PTPRT: variants seen among roughly 807,000 people sequenced by gnomAD.
PTPRT encodes receptor-type tyrosine-protein phosphatase T.
A neutral mutation model predicts 176.8 loss-of-function variants in PTPRT; 56 were observed. The observed-to-expected ratio is 0.32, with a 90% CI of 0.26 to 0.40. PTPRT has a LOEUF of 0.40. Ranked by LOEUF, PTPRT falls within the 10% of genes least tolerant of loss-of-function variation. The pLI is 1.00. For synonymous variants in PTPRT, 783 were observed against 739.0 expected (o/e 1.06, Z -0.96); for missense variants, 1,540 against 1,908.2 (o/e 0.81, Z 3.60).
In PTPRT at chr20:42,815,088, TCA is replaced by T. The variant is rs143905035; in HGVS notation, c.215-23624_215-23623del. On this transcript the variant is annotated intron_variant, in intron 2 of 30. Transcript: ENST00000373187. Reference sequence around the variant, plus strand: ...CTCTGAAAGGTATACTTTCTCCATCTCACACAAGGAATATTTATTAAAGTTTA... The same window carrying T: ...CTCTGAAAGGTATACTTTCTCCATCTCACAAGGAATATTTATTAAAGTTTA... Among the ~76,000 whole-genome samples, 180 of 152,322 alleles carry T rather than the reference TCA, an allele frequency of 1.2e-3. 1 individual carries two copies. In the East Asian group the frequency reaches 0.032, roughly 27 times the overall value.
chr20:42,393,514 ACAT>A (rs143970200), intron 9 of PTPRT, among the ~76,000 whole-genome samples: 10,341 of 152,170 alleles, frequency 0.068, 435 homozygotes, highest in African/African-American at 0.12. Context: ...TGTGTCAGCC[ACAT>A]CTGGGGTTCC....
intron 9 of PTPRT, among the ~76,000 whole-genome samples, chr20:42,376,202 T>C (rs1402963846): frequency 6.6e-6 from 1 of 151,982 alleles, no homozygotes; most frequent in African/African-American, 2.4e-5. Flanking sequence ...AGGGGAGAAA[T>C]AGCAATCCTA....
chr20:42,256,027 G>A (rs1480171971), intron 13 of PTPRT, among the ~76,000 whole-genome samples: 2 of 152,112 alleles, frequency 1.3e-5, no homozygotes, highest in African/African-American at 4.8e-5. Context: ...GAGTTTCTCT[G>A]GCTTTGTATG....
At chr20:42,042,850 T>G in the PTPRT span, among the ~76,000 whole-genome samples, 1 of 152,388 alleles carries the variant, frequency 6.6e-6, no homozygotes, top group South Asian at 2.1e-4. Context: ...CTTGCAGGAA[T>G]GTGTGTAGTG....
chr20:42,883,195 G>A (rs145457904), intron 2 of PTPRT, among the ~76,000 whole-genome samples: 492 of 152,214 alleles, frequency 3.2e-3, no homozygotes, highest in African/African-American at 0.011. Flanking sequence ...TAATCTCTTC[G>A]ACATCTGTTT....
At chr20:42,461,670 A>C (rs2071022329) in intron 8 of PTPRT, among the ~76,000 whole-genome samples, 1 of 152,242 alleles carries the variant, frequency 6.6e-6, no homozygotes. Flanking sequence ...CAACTGGTTA[A>C]GTAAGAGGAT....
intron 2 of PTPRT, among the ~76,000 whole-genome samples, chr20:42,830,795 T>C (rs1246083534): frequency 6.6e-6 from 1 of 152,030 alleles, no homozygotes; most frequent in Non-Finnish European, 1.5e-5. Context: ...CATTCACAAT[T>C]GCCACAAAAA....
chr20:42,257,633 A>ACCCC (rs2056665645), intron 13 of PTPRT, among the ~76,000 whole-genome samples: 1 of 12,276 alleles, frequency 8.1e-5, no homozygotes, highest in Non-Finnish European at 1.5e-4. Flanking sequence ...AGTGTGTAGC[A>ACCCC]CCTCCCCCCA....
intron 2 of PTPRT, among the ~76,000 whole-genome samples, chr20:42,860,620 T>C (rs1406466832): frequency 1.3e-5 from 2 of 152,196 alleles, no homozygotes; most frequent in African/African-American, 4.8e-5. Context: ...CTCAGGCTTT[T>C]ATATTTGTTG....
intron 26 of PTPRT, among the ~76,000 whole-genome samples, chr20:42,099,169 C>T (rs780097493): frequency 6.6e-6 from 1 of 151,932 alleles, no homozygotes; most frequent in Non-Finnish European, 1.5e-5. Context: ...CATCCATTTG[C>T]CCATTTATTC....
intron 9 of PTPRT, among the ~76,000 whole-genome samples, chr20:42,404,318 G>A (rs2145714938): frequency 6.6e-6 from 1 of 152,208 alleles, no homozygotes; most frequent in East Asian, 1.9e-4. Context: ...ATGCCTTAGG[G>A]GATGATGAAG....
At chr20:42,894,473 A>T in intron 1 of PTPRT, among the ~76,000 whole-genome samples, 1 of 152,156 alleles carries the variant, frequency 6.6e-6, no homozygotes, top group East Asian at 1.9e-4. Context: ...CACGAGATGG[A>T]TATGATCATT....
intron 23 of PTPRT, among the ~76,000 whole-genome samples, chr20:42,107,948 T>C (rs1353803835): frequency 2.0e-5 from 3 of 152,220 alleles, no homozygotes; most frequent in African/African-American, 7.2e-5. Context: ...ATGGTTTGAA[T>C]GAAGTCTGAC....
At position 42,615,862 on chromosome 20, in the gene PTPRT, G is replaced by A. The variant is rs1396057275; in HGVS notation, c.1153+62004C>T. ...GCCCTTTGTCAGATGAGTAGGTTGCGAAAATTTTCTCCCATTTTGTAGGTT... is the reference window on the plus strand; with the variant it reads ...GCCCTTTGTCAGATGAGTAGGTTGCAAAAATTTTCTCCCATTTTGTAGGTT... On this transcript the variant is annotated intron_variant, in intron 7 of 30. Transcript: ENST00000373187. 2.8e-4 allele frequency among the ~76,000 whole-genome samples: 32 copies of A among 113,764 alleles called. 3 individuals carry two copies. Among genetic ancestry groups the A allele is most frequent in the Middle Eastern group, 3.8e-3 (1 of 260 alleles). 74.6% of individuals were successfully genotyped at this position (113,764 alleles called of 152,430 possible). A position where few individuals can be genotyped will look rare whatever the true frequency, so the allele number is the denominator to read the frequency against.
At chr20:42,608,386 C>T (rs561430697) in intron 7 of PTPRT, among the ~76,000 whole-genome samples, 1 of 152,278 alleles carries the variant, frequency 6.6e-6, no homozygotes, top group East Asian at 1.9e-4. Flanking sequence ...TCAAAGCTGC[C>T]TCTCTGTTGC....
intron 1 of PTPRT, among the ~76,000 whole-genome samples, chr20:43,069,899 T>C (rs1182817630): frequency 1.3e-5 from 2 of 152,130 alleles, no homozygotes; most frequent in East Asian, 3.9e-4. Context: ...CATCCTATTT[T>C]GCCAGGAAAG....
chr20:43,111,360 A>T (rs760707425), intron 1 of PTPRT, among the ~76,000 whole-genome samples: 3 of 151,912 alleles, frequency 2.0e-5, no homozygotes, highest in Admixed American at 6.6e-5. Context: ...CAACAAAGTG[A>T]AACCCCGTCT....
chr20:42,400,105 C>T (rs899222244), intron 9 of PTPRT, among the ~76,000 whole-genome samples: 2 of 152,272 alleles, frequency 1.3e-5, no homozygotes, highest in African/African-American at 4.8e-5. Context: ...TTGTCTTTAA[C>T]CCAACTCGGA....
At chr20:42,509,825 T>A (rs1003122678) in intron 7 of PTPRT, among the ~76,000 whole-genome samples, 1 of 152,068 alleles carries the variant, frequency 6.6e-6, no homozygotes, top group Non-Finnish European at 1.5e-5. Context: ...GAGCATCCAC[T>A]TAGAGTACCA....
Sources: gnomAD v4.1 joint callset for allele counts (sites outside exome capture counted in the v4.1 genomes callset) on GRCh38, gnomAD v4.1.1 for gene constraint, MANE v1.5 for transcripts, NCBI Gene and HGNC (gene_info 2026-07-23, HGNC 2026-07-21) for gene names.